The following TAPT1 variants were observed in gnomAD, a reference collection of about 807,000 sequenced individuals.
The protein encoded by TAPT1 is transmembrane anterior posterior transformation 1, also known as transmembrane anterior posterior transformation protein 1 homolog.
In TAPT1, 28 loss-of-function variants were observed where a neutral mutation model predicts 65.6. The ratio of observed to expected loss-of-function variants is 0.43; its 90% CI spans 0.32 to 0.59. The LOEUF is 0.59. TAPT1 is among the 20% of genes least tolerant of loss of function. TAPT1 has a pLI of 0.09. For missense variants in TAPT1, 563 were observed against 679.9 expected, an observed-to-expected ratio of 0.83 and a Z score of 1.91; for synonymous variants, 278 against 245.2, an observed-to-expected ratio of 1.13 and a Z score of -1.25.
In TAPT1 at chr4:16,202,531, A is replaced by G. The variant is rs753969732; in HGVS notation, c.380T>C (p.Phe127Ser). 4.5e-6 allele frequency: 7 copies of G among 1,553,002 alleles called. No homozygotes were observed. Among genetic ancestry groups the G allele is most frequent in the Non-Finnish European group, 6.1e-6 (7 of 1,147,884 alleles). ...FLCLDAFLYV[F>S]TLLPLRVFLA... ...GAAAACTCTTAAAGGAAGCAGGGTG[A>G]ACACATACAAAAACGCATCCAGGCA... The change falls in exon 3 of 14, where the codon TTC becomes TCC. Residue 127 changes from phenylalanine to serine, a missense_variant. Around this residue, in one of 5 missense-constraint regions of TAPT1, gnomAD observed 217 missense variants for 317.5 expected, o/e 0.68. Coordinates refer to ENST00000405303, the MANE Select transcript of TAPT1 (RefSeq NM_153365.3).
At chr4:16,203,742 T>C (rs1437141044) in intron 2 of TAPT1, among the ~76,000 whole-genome samples, 1 of 152,178 alleles carries the variant, frequency 6.6e-6, no homozygotes, top group Non-Finnish European at 1.5e-5. Context: ...AGATAATAAA[T>C]GTCTGTTGTT....
intron 2 of TAPT1, among the ~76,000 whole-genome samples, chr4:16,206,288 T>C (rs965001150): frequency 6.6e-6 from 1 of 152,230 alleles, no homozygotes; most frequent in African/African-American, 2.4e-5. Flanking sequence ...ACTATGCACA[T>C]AGAATGATCC....
rs1459623264 is a variant in TAPT1 at position 16,160,538 on chromosome 4, T to C, written c.*2770A>G. ...AAAGAACTATATTTTAGAGCTGAAA[T>C]AAGCCTGAGAGATCATTTGGTCAGT... On this transcript the variant is annotated 3_prime_UTR_variant, in exon 14 of 14. Coordinates refer to ENST00000405303, the MANE Select transcript of TAPT1 (RefSeq NM_153365.3). 3 of 152,230 alleles carry C rather than the reference T, an allele frequency of 2.0e-5. No homozygotes were observed. Among genetic ancestry groups the C allele is most frequent in the Non-Finnish European group, 1.5e-5 (1 of 68,040 alleles). 9.4% of individuals were successfully genotyped at this position (152,230 alleles called of 1,614,324 possible).
Position 16,161,825 on chromosome 4 carries a change from A to G in TAPT1, c.*1483T>C, listed in dbSNP as rs1747266790. 6.6e-6 allele frequency: 1 copy of G among 152,226 alleles called. No homozygotes were observed. The highest frequency in any genetic ancestry group is 1.5e-5 in the Non-Finnish European group (1 of 68,036). 9.4% of individuals were successfully genotyped at this position (152,226 alleles called of 1,614,324 possible). A position where few individuals can be genotyped will look rare whatever the true frequency, so the allele number is the denominator to read the frequency against. On this transcript the variant is annotated 3_prime_UTR_variant, in exon 14 of 14. Coordinates refer to ENST00000405303, the MANE Select transcript of TAPT1 (RefSeq NM_153365.3). ...GCTTTATATTTCATCCAAGAAACAG[A>G]CAAATCACCTAAAAATTGCTTTCTG...
chr4:16,225,705 T>C (rs1751510310), intron 1 of TAPT1, among the ~76,000 whole-genome samples: 1 of 152,172 alleles, frequency 6.6e-6, no homozygotes, highest in South Asian at 2.1e-4. Flanking sequence ...TCAGGAAAAG[T>C]TCAGATGCAA....
At chr4:16,178,109 C>T (rs147073524) in intron 8 of TAPT1, among the ~76,000 whole-genome samples, 1 of 152,166 alleles carries the variant, frequency 6.6e-6, no homozygotes, top group African/African-American at 2.4e-5. Flanking sequence ...GTGACACATA[C>T]CCCCTCTGCC....
chr4:16,196,048 A>C (rs1329685062), intron 3 of TAPT1, among the ~76,000 whole-genome samples: 1 of 152,244 alleles, frequency 6.6e-6, no homozygotes, highest in Non-Finnish European at 1.5e-5. Flanking sequence ...AGAGTGAAGA[A>C]ACACAAGCAC....
intron 3 of TAPT1, 96 bp from the exon 4 acceptor site, chr4:16,191,619 TA>T: frequency 3.2e-6 from 4 of 1,242,406 alleles, no homozygotes; most frequent in Non-Finnish European, 4.3e-6. Context: ...CATACAAAGG[TA>T]AAAATAAGAA....
chr4:16,226,372 G>A lies in TAPT1; in HGVS notation c.86C>T (p.Ala29Val), dbSNP rs1365348243. ...DGPQRDGRGE[A>V]EQPGGSGGQG... The stretch of plus-strand genomic sequence containing the variant: ...TCCGCCGCTGCCGCCCGGCTGCTCC[G>A]CCTCGCCGCGGCCGTCCCGCTGCGG... The change falls in exon 1 of 14, where the codon GCG becomes GTG. Residue 29 changes from alanine (A) to valine (V), a missense_variant. Around this residue, in one of 5 missense-constraint regions of TAPT1, gnomAD observed 103 missense variants for 89.4 expected, o/e 1.15. Coordinates refer to ENST00000405303, the MANE Select transcript of TAPT1 (RefSeq NM_153365.3). 2 of 1,106,752 alleles carry A rather than the reference G, an allele frequency of 1.8e-6. No homozygotes were observed. The highest frequency in any genetic ancestry group is 2.2e-6 in the Non-Finnish European group (2 of 909,176). The allele number at this position is 1,106,752 out of a possible 1,614,324, so 68.6% of individuals were successfully genotyped here.
intron 1 of TAPT1, among the ~76,000 whole-genome samples, chr4:16,224,342 G>A (rs1289265924): frequency 6.6e-6 from 1 of 152,168 alleles, no homozygotes; most frequent in East Asian, 1.9e-4. Context: ...GTTTCTAGTG[G>A]GGAAACCTCT....
At chr4:16,214,296 A>C (rs79649442) in intron 1 of TAPT1, 1 of 153,218 alleles carries the variant, frequency 6.5e-6, no homozygotes, top group Non-Finnish European at 1.5e-5. Flanking sequence ...CACAACGGGC[A>C]CCACTTTAGT....
At chr4:16,188,931 A>G (rs1560167506) in intron 4 of TAPT1, among the ~76,000 whole-genome samples, 1 of 152,072 alleles carries the variant, frequency 6.6e-6, no homozygotes. Context: ...CAAAAAAAGA[A>G]AAAAAGGGGG....
chr4:16,179,283 T>G (rs1014965499), intron 8 of TAPT1: 12 of 264,218 alleles, frequency 4.5e-5, no homozygotes, highest in Non-Finnish European at 1.4e-5. Flanking sequence ...GCAGGCAAAC[T>G]GTGACACAAT....
intron 1 of TAPT1, among the ~76,000 whole-genome samples, chr4:16,217,550 T>C (rs2108895044): frequency 6.6e-6 from 1 of 152,382 alleles, no homozygotes. Context: ...TTGTCCCTTC[T>C]GATATGATAA....
chr4:16,202,553 G>T lies in TAPT1; in HGVS notation c.358C>A (p.Leu120Met). ...GTGAACACATACAAAAACGCATCCA[G>T]GCACAGAAAGATTCCAAAAACCATC... ...KLMVFGIFLC[L>M]DAFLYVFTLL... Residue 120 changes from leucine to methionine, a missense_variant, in exon 3 of 14, where the codon CTG becomes ATG. By Grantham distance (15) the Leu-to-Met change is conservative. Transcript: ENST00000405303. 6.5e-7 allele frequency: 1 copy of T among 1,544,772 alleles called. No individual in the cohort carries two copies. The highest frequency in any genetic ancestry group is 8.7e-7 in the Non-Finnish European group (1 of 1,144,428).
At chr4:16,181,203 G>T (rs1236467825) in intron 7 of TAPT1, among the ~76,000 whole-genome samples, 2 of 152,166 alleles carry the variant, frequency 1.3e-5, no homozygotes, top group Non-Finnish European at 2.9e-5. Context: ...TCTTTAATTG[G>T]AATTCTGTAG....
At chr4:16,166,383 C>A (rs886679705) in intron 13 of TAPT1, among the ~76,000 whole-genome samples, 2 of 152,242 alleles carry the variant, frequency 1.3e-5, no homozygotes, top group African/African-American at 4.8e-5. Flanking sequence ...ATTGCCTTTC[C>A]ACCCCACTGC....
At chr4:16,168,041 T>C (rs980776898) in intron 12 of TAPT1, among the ~76,000 whole-genome samples, 1 of 151,958 alleles carries the variant, frequency 6.6e-6, no homozygotes, top group African/African-American at 2.4e-5. Flanking sequence ...TCAATACAAA[T>C]CTGGAAAAAA....
intron 12 of TAPT1, among the ~76,000 whole-genome samples, chr4:16,168,009 G>T (rs1181188789): frequency 6.6e-6 from 1 of 151,990 alleles, no homozygotes; most frequent in Admixed American, 6.5e-5. Flanking sequence ...CTGGGTCAAA[G>T]AATATGAATA....
Sources: gnomAD v4.1 joint callset for allele counts (sites outside exome capture counted in the v4.1 genomes callset) on GRCh38, gnomAD v4.1.1 for gene constraint, gnomAD v4.1.1 regional missense constraint, MANE v1.5 for transcripts, NCBI Gene and HGNC (gene_info 2026-07-23, HGNC 2026-07-21) for gene names.